The following CHCHD6 variants were observed in gnomAD, a reference collection of about 807,000 sequenced individuals.
CHCHD6 encodes MICOS complex subunit MIC25.
Under a neutral mutation model 32.3 loss-of-function variants are expected in CHCHD6, and 28 were observed. That is an observed-to-expected ratio of 0.87 (90% CI 0.64 to 1.19). The LOEUF (loss-of-function observed/expected upper bound fraction) is 1.19. Ranked by LOEUF, CHCHD6 falls within the 50% of genes most tolerant of loss-of-function variation. The probability of loss-of-function intolerance (pLI) is 0.00; values close to 1 mark genes in which losing one functional copy is unlikely to be tolerated. For missense variants in CHCHD6, 333 were observed against 307.0 expected (o/e 1.08, Z -0.63); for synonymous variants, 122 against 117.5 (o/e 1.04, Z -0.25).
At chr3:126,783,141 T>G (rs1938033290) in intron 4 of CHCHD6, among the ~76,000 whole-genome samples, 1 of 152,222 alleles carries the variant, frequency 6.6e-6, no homozygotes, top group South Asian at 2.1e-4. Context: ...TTTCTCTAAG[T>G]TCTACATATA....
rs1046788908 is a variant in CHCHD6, at chr3:126,920,440, A to T, written c.566+5690A>T. On this transcript the variant is annotated intron_variant, in intron 6 of 7. Coordinates refer to ENST00000290913, the MANE Select transcript of CHCHD6 (RefSeq NM_032343.3). ...CTCTGTGATATGACCTTCCCCAGAG[A>T]TGCCTAGGGATGTGGCTTTCCAGGG... Among the ~76,000 whole-genome samples, 3 of 152,070 alleles carry T rather than the reference A, an allele frequency of 2.0e-5. 1 individual carries two copies.
intron 4 of CHCHD6, among the ~76,000 whole-genome samples, chr3:126,815,664 T>C (rs1939864300): frequency 7.7e-6 from 1 of 130,420 alleles, no homozygotes; most frequent in Non-Finnish European, 1.6e-5. Flanking sequence ...CCCATCTGTG[T>C]CCACAGCCCT....
chr3:126,862,426 A>T (rs1576512946), intron 5 of CHCHD6, among the ~76,000 whole-genome samples: 3 of 86,006 alleles, frequency 3.5e-5, no homozygotes, highest in Non-Finnish European at 7.0e-5. Context: ...CACCATCACC[A>T]CCTCCTCCTC....
chr3:126,947,758 G>A (rs918154588), intron 6 of CHCHD6, among the ~76,000 whole-genome samples: 10 of 152,200 alleles, frequency 6.6e-5, no homozygotes, highest in Non-Finnish European at 1.3e-4. Context: ...TTGACCATCA[G>A]CTCCCCTCCC....
intron 5 of CHCHD6, among the ~76,000 whole-genome samples, chr3:126,883,771 A>G (rs1481033189): frequency 2.6e-5 from 4 of 152,222 alleles, no homozygotes; most frequent in African/African-American, 4.8e-5. Context: ...TCTTTATGCA[A>G]TAATGCTTAG....
intron 5 of CHCHD6, among the ~76,000 whole-genome samples, chr3:126,891,730 T>A (rs1472913463): frequency 1.3e-5 from 2 of 152,024 alleles, no homozygotes; most frequent in African/African-American, 4.8e-5. Context: ...TTGAAATGTG[T>A]TTGGGGTAAT....
At chr3:126,814,452 A>G (rs982267635) in intron 4 of CHCHD6, among the ~76,000 whole-genome samples, 49 of 152,246 alleles carry the variant, frequency 3.2e-4, no homozygotes, top group African/African-American at 1.2e-3. Context: ...TGGTCACCAG[A>G]AACACAAAGC....
intron 6 of CHCHD6, among the ~76,000 whole-genome samples, chr3:126,934,623 A>T (rs903309174): frequency 3.0e-5 from 4 of 131,964 alleles, no homozygotes; most frequent in African/African-American, 1.2e-4. Flanking sequence ...ATCTCGGCTC[A>T]CTGCAAGCTC....
At chr3:126,939,130 G>A (rs529379134) in intron 6 of CHCHD6, among the ~76,000 whole-genome samples, 1 of 152,164 alleles carries the variant, frequency 6.6e-6, no homozygotes. Flanking sequence ...TGGTGAGCAG[G>A]AGAGTAAGGT....
At chr3:126,883,988 A>G (rs1405100978) in intron 5 of CHCHD6, among the ~76,000 whole-genome samples, 1 of 151,588 alleles carries the variant, frequency 6.6e-6, no homozygotes, top group East Asian at 1.9e-4. Flanking sequence ...TTCTGTTCCC[A>G]TTTCTGTAGT....
At chr3:126,741,903 C>A (rs1308295765) in intron 4 of CHCHD6, among the ~76,000 whole-genome samples, 1 of 152,162 alleles carries the variant, frequency 6.6e-6, no homozygotes, top group Non-Finnish European at 1.5e-5. Context: ...AAAAGTGTAC[C>A]AGGTGATTCT....
chr3:126,883,213 T>C (rs1490091780), intron 5 of CHCHD6, among the ~76,000 whole-genome samples: 1 of 152,204 alleles, frequency 6.6e-6, no homozygotes, highest in Non-Finnish European at 1.5e-5. Context: ...ATTTGTGAAC[T>C]GGTACACCTC....
intron 6 of CHCHD6, 133 bp from the exon 7 acceptor site, chr3:126,957,283 G>C: frequency 1.0e-6 from 1 of 985,562 alleles, no homozygotes; most frequent in Non-Finnish European, 1.5e-6. Context: ...TCTCCTTGAG[G>C]GTTAAAAGGA....
At chr3:126,924,269 G>C (rs1332219191) in intron 6 of CHCHD6, among the ~76,000 whole-genome samples, 3 of 152,348 alleles carry the variant, frequency 2.0e-5, no homozygotes, top group South Asian at 2.1e-4. Flanking sequence ...ATGTGATATA[G>C]AGAAAATGTC....
intron 4 of CHCHD6, among the ~76,000 whole-genome samples, chr3:126,811,104 A>T (rs1251854686): frequency 6.6e-6 from 1 of 152,178 alleles, no homozygotes; most frequent in Non-Finnish European, 1.5e-5. Context: ...GGAAAAGTGC[A>T]ATTTTTACTG....
At chr3:126,816,292 G>A (rs190808124) in intron 4 of CHCHD6, among the ~76,000 whole-genome samples, 31 of 152,328 alleles carry the variant, frequency 2.0e-4, no homozygotes, top group African/African-American at 6.5e-4. Flanking sequence ...TGGGCTTGGC[G>A]CTTTCTCGTT....
At chr3:126,951,963 T>C (rs1008847745) in intron 6 of CHCHD6, among the ~76,000 whole-genome samples, 18 of 152,256 alleles carry the variant, frequency 1.2e-4, no homozygotes, top group African/African-American at 4.1e-4. Flanking sequence ...GGGTTTGTTT[T>C]TGTTTTGTTT....
At chr3:126,941,701 A>G (rs2078562409) in intron 6 of CHCHD6, among the ~76,000 whole-genome samples, 1 of 152,216 alleles carries the variant, frequency 6.6e-6, no homozygotes, top group South Asian at 2.1e-4. Flanking sequence ...TCCTTAACCA[A>G]GATTCCCTGA....
intron 4 of CHCHD6, among the ~76,000 whole-genome samples, chr3:126,825,214 A>G (rs901257144): frequency 1.6e-4 from 24 of 152,126 alleles, no homozygotes; most frequent in African/African-American, 5.5e-4. Flanking sequence ...GGGGACTTTT[A>G]TAGTTACATA....
Sources: allele counts gnomAD v4.1 joint callset (sites outside exome capture counted in the v4.1 genomes callset), GRCh38; gene constraint gnomAD v4.1.1; transcripts MANE v1.5; gene names NCBI Gene and HGNC (gene_info 2026-07-23, HGNC 2026-07-21).